The following PDSS2 variants were observed in gnomAD, a reference collection of about 807,000 sequenced individuals.
The protein encoded by PDSS2 is decaprenyl diphosphate synthase subunit 2, also known as all trans-polyprenyl-diphosphate synthase PDSS2.
Under a neutral mutation model 44.5 loss-of-function variants are expected in PDSS2, and 31 were observed. The observed-to-expected ratio is 0.70, with a 90% CI of 0.52 to 0.94. PDSS2 has a LOEUF of 0.94. PDSS2 is among the 40% of genes least tolerant of loss of function. The pLI is 0.00. For missense variants in PDSS2, 452 were observed against 482.2 expected, an observed-to-expected ratio of 0.94 and a Z score of 0.59; for synonymous variants, 157 against 180.3, an observed-to-expected ratio of 0.87 and a Z score of 1.03.
At chr6:107,221,105 G>A (rs907150167) in intron 4 of PDSS2, among the ~76,000 whole-genome samples, 3 of 152,220 alleles carry the variant, frequency 2.0e-5, no homozygotes, top group African/African-American at 7.2e-5. Flanking sequence ...CACTTCGGGA[G>A]GCCGAGGCAG....
intron 3 of PDSS2, among the ~76,000 whole-genome samples, chr6:107,252,269 G>T (rs899607510): frequency 2.0e-5 from 3 of 152,202 alleles, no homozygotes; most frequent in Admixed American, 6.5e-5. Context: ...AACTAGGACT[G>T]GGTTTAATGT....
chr6:107,242,007 C>A (rs1774452508), intron 4 of PDSS2, among the ~76,000 whole-genome samples: 1 of 152,174 alleles, frequency 6.6e-6, no homozygotes, highest in Non-Finnish European at 1.5e-5. Flanking sequence ...AACATGAAAA[C>A]CTTGAAAGCA....
intron 2 of PDSS2, among the ~76,000 whole-genome samples, chr6:107,281,880 A>G (rs936567536): frequency 6.6e-6 from 1 of 152,096 alleles, no homozygotes; most frequent in Admixed American, 6.6e-5. Context: ...TTAAATGAAC[A>G]ACTCTTTACT....
intron 1 of PDSS2, among the ~76,000 whole-genome samples, chr6:107,336,403 C>T (rs1410803669): frequency 6.6e-6 from 1 of 151,986 alleles, no homozygotes; most frequent in East Asian, 1.9e-4. Context: ...GCTTTCTCTG[C>T]TTATATTCTG....
At chr6:107,435,927 A>C (rs1166461406) in intron 1 of PDSS2, among the ~76,000 whole-genome samples, 1 of 148,302 alleles carries the variant, frequency 6.7e-6, no homozygotes, top group Non-Finnish European at 1.5e-5. Flanking sequence ...GTTGAAACGA[A>C]GTTACAGAAC....
intron 2 of PDSS2, among the ~76,000 whole-genome samples, chr6:107,298,626 T>C (rs1259365219): frequency 6.6e-6 from 1 of 152,228 alleles, no homozygotes; most frequent in African/African-American, 2.4e-5. Flanking sequence ...TGTGCATAGA[T>C]ATGCATGTGT....
chr6:107,378,752 C>T (rs530676173), intron 1 of PDSS2, among the ~76,000 whole-genome samples: 1 of 152,198 alleles, frequency 6.6e-6, no homozygotes, highest in East Asian at 1.9e-4. Flanking sequence ...CACCACCGCA[C>T]TCCAGCCTGG....
chr6:107,347,766 G>A (rs1778299955), intron 1 of PDSS2, among the ~76,000 whole-genome samples: 1 of 152,134 alleles, frequency 6.6e-6, no homozygotes, highest in Non-Finnish European at 1.5e-5. Flanking sequence ...CAAGATATCT[G>A]TATTTGAAAC....
chr6:107,274,468 T>C (rs1237904476), intron 2 of PDSS2, among the ~76,000 whole-genome samples: 1 of 152,124 alleles, frequency 6.6e-6, no homozygotes, highest in Non-Finnish European at 1.5e-5. Context: ...CACTAGGATA[T>C]CCCAGACAGA....
At chr6:107,214,294 G>A (rs1024349701) in intron 4 of PDSS2, among the ~76,000 whole-genome samples, 2 of 151,840 alleles carry the variant, frequency 1.3e-5, no homozygotes, top group South Asian at 2.1e-4. Flanking sequence ...TAGTAGAGAC[G>A]GGGTTTCACC....
At chr6:107,170,100 TCTC>T (rs1378817721) in intron 7 of PDSS2, among the ~76,000 whole-genome samples, 2 of 152,116 alleles carry the variant, frequency 1.3e-5, no homozygotes, top group African/African-American at 4.8e-5. Flanking sequence ...GGCAGGCAGG[TCTC>T]CTTGAGCAGC....
At position 107,190,475 on chromosome 6, in the gene PDSS2, A is replaced by C. The variant is rs557676031; in HGVS notation, c.1041+3347T>G. On this transcript the variant is annotated intron_variant, in intron 7 of 7. Transcript: ENST00000369037. ...GTTGGGTACCAGATATACTAAGAGA[A>C]AAAAGAAACTGTCTCTGCCCTCCAA... 2.5e-4 allele frequency among the ~76,000 whole-genome samples: 38 copies of C among 152,326 alleles called. No individual in the cohort carries two copies. The South Asian group carries it at 7.9e-3, about 32-fold the overall frequency.
At chr6:107,410,614 A>G (rs1013149945) in intron 1 of PDSS2, among the ~76,000 whole-genome samples, 1 of 151,740 alleles carries the variant, frequency 6.6e-6, no homozygotes, top group African/African-American at 2.4e-5. Context: ...CGGCCTCCCA[A>G]ATAGCTGGGA....
chr6:107,448,737 GTCTGT>G, intron 1 of PDSS2, among the ~76,000 whole-genome samples: 1 of 152,122 alleles, frequency 6.6e-6, no homozygotes, highest in African/African-American at 2.4e-5. Flanking sequence ...GTACCAATTA[GTCTGT>G]TCTCACATTG....
chr6:107,245,406 C>T, intron 4 of PDSS2, 142 bp downstream of exon 4: 1 of 498,718 alleles, frequency 2.0e-6, no homozygotes, highest in Non-Finnish European at 3.3e-6. Context: ...AATTTGTAGC[C>T]AAAACACTAA....
At chr6:107,456,463 A>G (rs1032044616) in intron 1 of PDSS2, among the ~76,000 whole-genome samples, 7 of 152,260 alleles carry the variant, frequency 4.6e-5, no homozygotes, top group African/African-American at 1.4e-4. Flanking sequence ...GAAGTCACAT[A>G]AGGTCATATG....
chr6:107,342,790 C>T (rs967506524), intron 1 of PDSS2, among the ~76,000 whole-genome samples: 1 of 152,100 alleles, frequency 6.6e-6, no homozygotes. Flanking sequence ...ATCCAAATTA[C>T]AATCTTTTGA....
chr6:107,236,328 C>T (rs754172074), intron 4 of PDSS2, among the ~76,000 whole-genome samples: 1 of 152,088 alleles, frequency 6.6e-6, no homozygotes, highest in East Asian at 1.9e-4. Context: ...ACTGGCTGGA[C>T]GCAGTGGCTG....
intron 2 of PDSS2, among the ~76,000 whole-genome samples, chr6:107,286,964 C>T (rs531283920): frequency 7.9e-5 from 12 of 151,944 alleles, no homozygotes; most frequent in Non-Finnish European, 1.6e-4. Flanking sequence ...GGCTTGAACC[C>T]GGGAGGTGGA....
Sources: gnomAD v4.1 joint callset for allele counts (sites outside exome capture counted in the v4.1 genomes callset) on GRCh38, gnomAD v4.1.1 for gene constraint, MANE v1.5 for transcripts, NCBI Gene and HGNC (gene_info 2026-07-23, HGNC 2026-07-21) for gene names.